Variants in DCLK1 observed in about 807,000 individuals in gnomAD.
DCLK1 encodes the protein doublecortin like kinase 1.
A neutral mutation model predicts 86.2 loss-of-function variants in DCLK1; 16 were observed. The observed-to-expected ratio is 0.19, with a 90% CI of 0.13 to 0.28. The LOEUF (loss-of-function observed/expected upper bound fraction) is 0.28, where lower values mean the gene tolerates loss of function less well. DCLK1 is among the 10% of genes least tolerant of loss of function. DCLK1 has a pLI of 1.00. For missense variants in DCLK1, 590 were observed against 940.2 expected, an observed-to-expected ratio of 0.63 and a Z score of 4.87; for synonymous variants, 369 against 370.5, an observed-to-expected ratio of 1.00 and a Z score of 0.05.
chr13:36,013,834 CCG>C (rs1881404910), intron 3 of DCLK1, among the ~76,000 whole-genome samples: 1 of 152,236 alleles, frequency 6.6e-6, no homozygotes, highest in Admixed American at 6.5e-5. Flanking sequence ...AGCCTCTCTG[CCG>C]CCTTGCAGTT....
At chr13:36,095,136 AATGTATCCTCTG>A (rs1884959336) in intron 3 of DCLK1, among the ~76,000 whole-genome samples, 8 of 151,622 alleles carry the variant, frequency 5.3e-5, no homozygotes, top group Admixed American at 5.3e-4. Context: ...CAGGTGGCAG[AATGTATCCTCTG>A]ATATCTCTCT....
chr13:35,978,280 A>T (rs1472650851), intron 3 of DCLK1, among the ~76,000 whole-genome samples: 1 of 130,652 alleles, frequency 7.7e-6, no homozygotes, highest in South Asian at 2.3e-4. Context: ...ATCTCGGCTC[A>T]TTGCAACCTC....
At chr13:36,099,039 C>T (rs1228168646) in intron 3 of DCLK1, among the ~76,000 whole-genome samples, 2 of 151,500 alleles carry the variant, frequency 1.3e-5, no homozygotes, top group Non-Finnish European at 2.9e-5. Flanking sequence ...GCGATCAAAG[C>T]TCACTGCAAC....
At chr13:35,851,724 C>G (rs1870657968) in intron 6 of DCLK1, among the ~76,000 whole-genome samples, 1 of 152,154 alleles carries the variant, frequency 6.6e-6, no homozygotes, top group Non-Finnish European at 1.5e-5. Context: ...TTACTTGGTA[C>G]ATTGCCACGA....
At position 35,867,879 on chromosome 13, in the gene DCLK1, G is replaced by GAGGGAGAA. The variant is rs1871919882; in HGVS notation, c.940+3344_940+3345insTTCTCCCT. On this transcript the variant is annotated intron_variant, in intron 5 of 16. Transcript: ENST00000360631. ...AGAAAGAAAGAAAGAAAGAGAGAGG[G>GAGGGAGAA]AGAGAGAGAGAGAAAGAGAGAAAGA... Among the ~76,000 whole-genome samples the GAGGGAGAA allele has an allele frequency of 3.3e-5, 4 of 122,670 alleles. 1 individual carries two copies. The highest frequency in any genetic ancestry group is 4.7e-4 in the East Asian group (2 of 4,250). 80.5% of individuals were successfully genotyped at this position (122,670 alleles called of 152,430 possible).
chr13:35,813,730 CTTTT>C (rs35366486), intron 11 of DCLK1, among the ~76,000 whole-genome samples: 2 of 105,434 alleles, frequency 1.9e-5, no homozygotes, highest in Non-Finnish European at 3.9e-5. Flanking sequence ...CCCCGCCCCG[CTTTT>C]TTTTTTTTTT....
intron 6 of DCLK1, chr13:35,846,353 T>G: frequency 1.0e-6 from 1 of 985,330 alleles, no homozygotes; most frequent in Non-Finnish European, 1.2e-6. Context: ...TCACAGAAAG[T>G]TAACTTTCAT....
chr13:35,854,611 C>A lies in DCLK1; in HGVS notation c.941-18G>T. ...TCCATTAACTAGAAATACAAAGAAT[C>A]ACACACAGAGAAAAATGGCACGTTA... On this transcript the variant is annotated intron_variant, in intron 5 of 16. Transcript: ENST00000360631. 1 of 1,548,722 alleles carries A rather than the reference C, an allele frequency of 6.5e-7. No individual in the cohort carries two copies. The highest frequency in any genetic ancestry group is 8.7e-7 in the Non-Finnish European group (1 of 1,144,646).
chr13:36,006,634 G>A (rs764877337), intron 3 of DCLK1, among the ~76,000 whole-genome samples: 7 of 152,166 alleles, frequency 4.6e-5, no homozygotes, highest in Non-Finnish European at 7.4e-5. Flanking sequence ...GAGAGGCCAC[G>A]GGGGAGAAAA....
chr13:35,881,344 T>C (rs1872888331), intron 4 of DCLK1, among the ~76,000 whole-genome samples: 1 of 152,124 alleles, frequency 6.6e-6, no homozygotes, highest in Admixed American at 6.6e-5. Flanking sequence ...CTCTAACCAA[T>C]CCCGTAGAGT....
rs573033535 is a variant in DCLK1, at chr13:36,006,564, A to G, written c.724-59107T>C. On this transcript the variant is annotated intron_variant, in intron 3 of 16. Coordinates refer to ENST00000360631, the MANE Select transcript of DCLK1 (RefSeq NM_001330071.2). ...CCTGCTTTGCCACTTTCCATGTTTA[A>G]AGACACCAGAGGCCAGTGCTTCCCA... 2.6e-5 allele frequency among the ~76,000 whole-genome samples: 4 copies of G among 152,370 alleles called. No individual in the cohort carries two copies. The South Asian group carries it at 8.3e-4, about 32-fold the overall frequency.
intron 8 of DCLK1, among the ~76,000 whole-genome samples, chr13:35,834,304 T>A (rs1271557621): frequency 6.6e-6 from 1 of 152,162 alleles, no homozygotes. Context: ...TTTCCCAAAT[T>A]AATTAGTCTT....
chr13:35,910,430 A>G (rs541569801), intron 4 of DCLK1, among the ~76,000 whole-genome samples: 81 of 152,240 alleles, frequency 5.3e-4, no homozygotes, highest in Admixed American at 6.5e-4. Context: ...CCATTTGAAA[A>G]GGAACTATGG....
intron 5 of DCLK1, among the ~76,000 whole-genome samples, chr13:35,865,593 G>A (rs1871731028): frequency 1.3e-5 from 2 of 152,136 alleles, no homozygotes; most frequent in Admixed American, 1.3e-4. Flanking sequence ...TTATCTGTGA[G>A]GCCTTGACTC....
intron 4 of DCLK1, among the ~76,000 whole-genome samples, chr13:35,875,044 T>G (rs1426446238): frequency 6.6e-6 from 1 of 152,254 alleles, no homozygotes; most frequent in African/African-American, 2.4e-5. Flanking sequence ...CTCAAAACCT[T>G]TACCATCTGG....
chr13:35,905,042 G>A (rs891398076), intron 4 of DCLK1, among the ~76,000 whole-genome samples: 1 of 152,160 alleles, frequency 6.6e-6, no homozygotes, highest in Non-Finnish European at 1.5e-5. Context: ...GGCCTGTGCT[G>A]TTCACCTCTC....
intron 3 of DCLK1, among the ~76,000 whole-genome samples, chr13:35,958,151 C>G (rs1299863135): frequency 9.4e-6 from 1 of 106,342 alleles, no homozygotes; most frequent in African/African-American, 4.0e-5. Context: ...CCACCACCAC[C>G]ACTATAACCA....
chr13:35,774,746 A>G (rs756876592), intron 16 of DCLK1, 47 bp from the exon 17 acceptor site: 1 of 1,573,438 alleles, frequency 6.4e-7, no homozygotes, highest in Non-Finnish European at 8.7e-7. Flanking sequence ...GGCGAGGGAA[A>G]TGGCAAAACA....
At chr13:36,033,300 C>T (rs1882358346) in intron 3 of DCLK1, among the ~76,000 whole-genome samples, 2 of 152,122 alleles carry the variant, frequency 1.3e-5, no homozygotes, top group Non-Finnish European at 2.9e-5. Flanking sequence ...GGGAGGATCA[C>T]TGGACAGGAA....
Sources: gnomAD v4.1 joint callset for allele counts (sites outside exome capture counted in the v4.1 genomes callset) on GRCh38, gnomAD v4.1.1 for gene constraint, MANE v1.5 for transcripts, NCBI Gene and HGNC (gene_info 2026-07-23, HGNC 2026-07-21) for gene names.